PHACTR3: variants seen among roughly 807,000 people sequenced by gnomAD.
PHACTR3 encodes the protein protein phosphatase 1, regulatory subunit 123.
Under a neutral mutation model 66.8 loss-of-function variants are expected in PHACTR3, and 16 were observed. That is an observed-to-expected ratio of 0.24 (90% CI 0.16 to 0.36). The LOEUF (loss-of-function observed/expected upper bound fraction) is 0.36, where lower values mean the gene tolerates loss of function less well. Ranked by LOEUF, PHACTR3 falls within the 10% of genes least tolerant of loss-of-function variation. PHACTR3 has a pLI of 1.00. For synonymous variants in PHACTR3, 323 were observed against 292.1 expected, an observed-to-expected ratio of 1.11 and a Z score of -1.08; for missense variants, 647 against 719.9, an observed-to-expected ratio of 0.90 and a Z score of 1.16.
At chr20:59,761,555 G>A (rs2039994688) in intron 4 of PHACTR3, among the ~76,000 whole-genome samples, 1 of 152,192 alleles carries the variant, frequency 6.6e-6, no homozygotes, top group Non-Finnish European at 1.5e-5. Context: ...TAGCCCTCTT[G>A]AGGCAAGTGG....
chr20:59,784,279 AACAC>A (rs1247916926), intron 7 of PHACTR3, among the ~76,000 whole-genome samples: 2 of 151,388 alleles, frequency 1.3e-5, no homozygotes, highest in African/African-American at 4.9e-5. Flanking sequence ...AATGTCTTAA[AACAC>A]ACACATATGC....
chr20:59,706,273 T>G (rs1601149371), intron 1 of PHACTR3, among the ~76,000 whole-genome samples: 1 of 152,178 alleles, frequency 6.6e-6, no homozygotes, highest in South Asian at 2.1e-4. Flanking sequence ...TCCTAGTTAA[T>G]GAGAAGAGTC....
At chr20:59,742,660 G>T (rs1233575187) in intron 1 of PHACTR3, among the ~76,000 whole-genome samples, 1 of 152,182 alleles carries the variant, frequency 6.6e-6, no homozygotes, top group African/African-American at 2.4e-5. Context: ...GTAAGACAAG[G>T]GAGTGACCCT....
chr20:59,841,598 G>A (rs2145517001), intron 11 of PHACTR3, 63 bp downstream of exon 11: 7 of 1,529,804 alleles, frequency 4.6e-6, no homozygotes, highest in Non-Finnish European at 4.4e-6. Flanking sequence ...AATATGTCAT[G>A]CCAGGGAGTT....
At chr20:59,583,215 G>A (rs1347492273) in intron 1 of PHACTR3, among the ~76,000 whole-genome samples, 2 of 152,174 alleles carry the variant, frequency 1.3e-5, no homozygotes, top group Non-Finnish European at 2.9e-5. Context: ...TTTTAATAAG[G>A]ATTACAGGAG....
chr20:59,761,582 C>T (rs893143421), intron 4 of PHACTR3, among the ~76,000 whole-genome samples: 1 of 152,232 alleles, frequency 6.6e-6, no homozygotes, highest in Non-Finnish European at 1.5e-5. Context: ...AGAGTTTTTC[C>T]TCTTGTTTAA....
rs954435286 is a variant in PHACTR3, at chr20:59,836,976, C to T, written c.1384+416C>T. Among the ~76,000 whole-genome samples the T allele has an allele frequency of 5.3e-5, 8 of 152,184 alleles. No individual in the cohort carries two copies. In the East Asian group the frequency reaches 5.8e-4, roughly 11 times the overall value. ...GAATAAAGCAGTCAGCTCAGGGAAACGGTGAAGCCATGAGAAGCTTTCCTG... is the reference window on the plus strand; with the variant it reads ...GAATAAAGCAGTCAGCTCAGGGAAATGGTGAAGCCATGAGAAGCTTTCCTG... On this transcript the variant is annotated intron_variant, in intron 9 of 12. Transcript: ENST00000371015.
At chr20:59,841,329 G>C in intron 10 of PHACTR3, 66 bp from the exon 11 acceptor site, 1 of 1,499,930 alleles carries the variant, frequency 6.7e-7, no homozygotes. Context: ...AGTGCTGTTT[G>C]TTCAGAGTAC....
intron 1 of PHACTR3, among the ~76,000 whole-genome samples, chr20:59,611,543 C>T (rs2146344955): frequency 6.6e-6 from 1 of 152,312 alleles, no homozygotes; most frequent in Middle Eastern, 3.4e-3. Flanking sequence ...CAGCTTCAGG[C>T]ACCAGGGCCA....
At chr20:59,740,850 C>T (rs1293127237) in intron 1 of PHACTR3, among the ~76,000 whole-genome samples, 7 of 152,238 alleles carry the variant, frequency 4.6e-5, no homozygotes, top group East Asian at 1.9e-4. Context: ...GCCTTGGGCC[C>T]TCGGGTGCTG....
At chr20:59,606,174 A>G (rs762667059) in intron 1 of PHACTR3, among the ~76,000 whole-genome samples, 7 of 152,146 alleles carry the variant, frequency 4.6e-5, no homozygotes, top group Non-Finnish European at 7.3e-5. Flanking sequence ...AATGGTGGGC[A>G]TCAGAATCCC....
intron 8 of PHACTR3, among the ~76,000 whole-genome samples, chr20:59,814,398 G>T (rs1248699006): frequency 6.6e-6 from 1 of 152,182 alleles, no homozygotes; most frequent in African/African-American, 2.4e-5. Flanking sequence ...AATCCAGGAA[G>T]AAGGCAGGCA....
intron 1 of PHACTR3, among the ~76,000 whole-genome samples, chr20:59,672,892 G>C (rs537328466): frequency 3.1e-4 from 47 of 152,324 alleles, no homozygotes; most frequent in Middle Eastern, 6.8e-3. Flanking sequence ...AGCCTTGGGG[G>C]CTTCCAGGCA....
chr20:59,584,282 AAG>A (rs932974696), intron 1 of PHACTR3, among the ~76,000 whole-genome samples: 3 of 151,430 alleles, frequency 2.0e-5, no homozygotes, highest in Non-Finnish European at 4.4e-5. Context: ...GAGGCCGTGC[AAG>A]AGTGTGTACG....
chr20:59,691,557 T>C (rs1211323619), intron 1 of PHACTR3, among the ~76,000 whole-genome samples: 1 of 152,188 alleles, frequency 6.6e-6, no homozygotes, highest in African/African-American at 2.4e-5. Context: ...TTATTATCAC[T>C]ATATTATATG....
At chr20:59,698,101 A>G (rs1326884391) in intron 1 of PHACTR3, among the ~76,000 whole-genome samples, 1 of 152,250 alleles carries the variant, frequency 6.6e-6, no homozygotes, top group Non-Finnish European at 1.5e-5. Context: ...CTAAATGACC[A>G]TTAACAGGGG....
At chr20:59,631,797 TG>T (rs1281107067) in intron 1 of PHACTR3, among the ~76,000 whole-genome samples, 1 of 152,112 alleles carries the variant, frequency 6.6e-6, no homozygotes, top group Admixed American at 6.5e-5. Flanking sequence ...TCAAAGGACT[TG>T]GGAAACATCA....
intron 1 of PHACTR3, among the ~76,000 whole-genome samples, chr20:59,594,985 GTTTTAT>G (rs2033283046): frequency 6.6e-6 from 1 of 152,074 alleles, no homozygotes; most frequent in African/African-American, 2.4e-5. Flanking sequence ...GATAAGTTGT[GTTTTAT>G]TTTTGTTTAG....
intron 11 of PHACTR3, among the ~76,000 whole-genome samples, chr20:59,842,144 GTC>G (rs1218520974): frequency 6.6e-6 from 1 of 152,176 alleles, no homozygotes; most frequent in Non-Finnish European, 1.5e-5. Flanking sequence ...AGGTCATAGA[GTC>G]TCTGCATGAC....
Sources: gnomAD v4.1 joint callset for allele counts (sites outside exome capture counted in the v4.1 genomes callset) on GRCh38, gnomAD v4.1.1 for gene constraint, MANE v1.5 for transcripts, NCBI Gene and HGNC (gene_info 2026-07-23, HGNC 2026-07-21) for gene names.